The following TUSC3 variants were observed in gnomAD, a reference collection of about 807,000 sequenced individuals.
TUSC3 encodes tumor suppressor candidate 3.
TUSC3 carries 45 observed loss-of-function variants against 44.8 expected under a neutral mutation model. The ratio of observed to expected loss-of-function variants is 1.00; its 90% CI spans 0.79 to 1.29. The LOEUF (loss-of-function observed/expected upper bound fraction) is 1.29, where lower values mean the gene tolerates loss of function less well. TUSC3 is among the 50% of genes most tolerant of loss of function. The pLI is 0.00. For missense variants in TUSC3, 519 were observed against 437.9 expected, an observed-to-expected ratio of 1.19 and a Z score of -1.65; for synonymous variants, 212 against 152.9, an observed-to-expected ratio of 1.39 and a Z score of -2.85.
chr8:15,650,626 C>G (rs369701257), intron 2 of TUSC3, 71 bp from the exon 3 acceptor site: 2 of 1,331,130 alleles, frequency 1.5e-6, no homozygotes, highest in Non-Finnish European at 2.2e-6. Context: ...CTAGGGTTGT[C>G]TGTTTTAATA....
chr8:15,732,381 C>T (rs1003437241), intron 7 of TUSC3, among the ~76,000 whole-genome samples: 1 of 152,164 alleles, frequency 6.6e-6, no homozygotes, highest in African/African-American at 2.4e-5. Context: ...CCTGCACATG[C>T]TGTCTCTTTC....
intron 3 of TUSC3, among the ~76,000 whole-genome samples, chr8:15,657,334 C>T (rs1458680892): frequency 1.3e-5 from 2 of 152,154 alleles, no homozygotes; most frequent in Non-Finnish European, 2.9e-5. Context: ...AGCCATACTG[C>T]ATCCAGAATG....
the TUSC3 span, among the ~76,000 whole-genome samples, chr8:15,812,174 G>T: frequency 1.3e-5 from 2 of 152,148 alleles, no homozygotes; most frequent in African/African-American, 2.4e-5. Flanking sequence ...TGTATTTGCT[G>T]CCTTGACTAT....
intron 1 of TUSC3, among the ~76,000 whole-genome samples, chr8:15,577,386 C>A (rs1803158270): frequency 1.3e-5 from 2 of 151,654 alleles, no homozygotes; most frequent in Non-Finnish European, 2.9e-5. Flanking sequence ...AAGTCCTTGC[C>A]CATGCCTATG....
intron 7 of TUSC3, among the ~76,000 whole-genome samples, chr8:15,742,232 G>GAGGGTTGATGTTGTGCAGGGGTGGC (rs55870051): frequency 0.98 from 149,495 of 151,846 alleles, 73,592 homozygotes; most frequent in Non-Finnish European, 0.99. Flanking sequence ...TGTATGGTGG[G>GAGGGTTGATGTTGTGCAGGGGTGGC]AGGGGCTTTT....
At chr8:15,745,682 T>A (rs778638320) in intron 8 of TUSC3, among the ~76,000 whole-genome samples, 13 of 149,732 alleles carry the variant, frequency 8.7e-5, no homozygotes, top group Non-Finnish European at 1.6e-4. Flanking sequence ...CCGTGTAGAT[T>A]CTGGATACTA....
At chr8:15,563,116 A>G (rs12679957) in intron 1 of TUSC3, among the ~76,000 whole-genome samples, 29,307 of 152,106 alleles carry the variant, frequency 0.19, 2,845 homozygotes, top group South Asian at 0.24. Context: ...TAAAACCCAT[A>G]TAAACAGGCA....
chr8:15,776,295 G>C, the TUSC3 span, among the ~76,000 whole-genome samples: 2 of 152,032 alleles, frequency 1.3e-5, no homozygotes, highest in Admixed American at 1.3e-4. Context: ...TCTCAAGGAA[G>C]AAATGATTCT....
intron 1 of TUSC3, among the ~76,000 whole-genome samples, chr8:15,619,949 A>G (rs1805169725): frequency 6.6e-6 from 1 of 152,194 alleles, no homozygotes; most frequent in Admixed American, 6.5e-5. Flanking sequence ...TGCCAGAAAT[A>G]ACAGTGCAAG....
intron 7 of TUSC3, among the ~76,000 whole-genome samples, chr8:15,741,433 G>A (rs1232817156): frequency 6.6e-6 from 1 of 152,150 alleles, no homozygotes; most frequent in African/African-American, 2.4e-5. Flanking sequence ...TAGTAGCTGG[G>A]CGCGGTGGCT....
At chr8:15,624,713 C>G (rs1290040411) in intron 2 of TUSC3, among the ~76,000 whole-genome samples, 1 of 152,118 alleles carries the variant, frequency 6.6e-6, no homozygotes, top group African/African-American at 2.4e-5. Context: ...TCGTCAGATA[C>G]TTGGTTTTCA....
chr8:15,446,095 C>G (rs558557874), intron 1 of TUSC3, among the ~76,000 whole-genome samples: 3 of 146,728 alleles, frequency 2.0e-5, no homozygotes, highest in Admixed American at 6.8e-5. Context: ...GACGGGGTGG[C>G]GGTTGGGCAG....
chr8:15,561,355 G>C (rs1237863906), intron 1 of TUSC3, among the ~76,000 whole-genome samples: 1 of 144,906 alleles, frequency 6.9e-6, no homozygotes, highest in African/African-American at 2.5e-5. Flanking sequence ...GAGGCAGTCT[G>C]CCAGTTCTCA....
At chr8:15,572,738 T>C (rs188370723) in intron 1 of TUSC3, among the ~76,000 whole-genome samples, 1 of 152,272 alleles carries the variant, frequency 6.6e-6, no homozygotes, top group Non-Finnish European at 1.5e-5. Flanking sequence ...TTCATTGGCC[T>C]AATTTCAATG....
chr8:15,460,307 T>C (rs1800327495), intron 1 of TUSC3, among the ~76,000 whole-genome samples: 1 of 152,314 alleles, frequency 6.6e-6, no homozygotes, highest in East Asian at 1.9e-4. Flanking sequence ...AGCATTTTTT[T>C]CGTATATTTG....
chr8:15,800,036 G>C, the TUSC3 span, among the ~76,000 whole-genome samples: 6 of 152,142 alleles, frequency 3.9e-5, no homozygotes, highest in Non-Finnish European at 8.8e-5. Context: ...ATAACGGGCA[G>C]CAAGCATGTC....
At chr8:15,785,339 G>C in the TUSC3 span, among the ~76,000 whole-genome samples, 1 of 152,040 alleles carries the variant, frequency 6.6e-6, no homozygotes, top group Admixed American at 6.6e-5. Flanking sequence ...ACATTGCTAA[G>C]TCAAGATAGA....
chr8:15,512,803 T>C (rs1339428112), intron 2 of TUSC3, among the ~76,000 whole-genome samples: 1 of 148,090 alleles, frequency 6.8e-6, no homozygotes, highest in Non-Finnish European at 1.5e-5. Flanking sequence ...AATCAATAAA[T>C]CCCATTCTGT....
At chr8:15,780,011 T>G in the TUSC3 span, among the ~76,000 whole-genome samples, 2 of 152,322 alleles carry the variant, frequency 1.3e-5, no homozygotes, top group South Asian at 4.1e-4. Context: ...TTGAATTCTG[T>G]TTTCTTCATC....
Sources: gnomAD v4.1 joint callset for allele counts (sites outside exome capture counted in the v4.1 genomes callset) on GRCh38, gnomAD v4.1.1 for gene constraint, MANE v1.5 for transcripts, NCBI Gene and HGNC (gene_info 2026-07-23, HGNC 2026-07-21) for gene names.